Variants in WDFY4 observed in about 807,000 individuals in gnomAD.
The protein encoded by WDFY4 is WD repeat- and FYVE domain-containing protein 4.
In WDFY4, 169 loss-of-function variants were observed where a neutral mutation model predicts 351.9. The ratio of observed to expected loss-of-function variants is 0.48; its 90% CI spans 0.42 to 0.55. WDFY4 has a LOEUF of 0.55. Among genes scored for constraint, WDFY4 ranks in the 20% least tolerant of loss-of-function variants. WDFY4 has a pLI of 0.00. For missense variants in WDFY4, 3,803 were observed against 3,935.6 expected, an observed-to-expected ratio of 0.97 and a Z score of 0.90; for synonymous variants, 1,622 against 1,574.6, an observed-to-expected ratio of 1.03 and a Z score of -0.71.
rs925918502 is a variant in WDFY4, at chr10:48,778,863, T to A, written c.3397+31T>A. ...GTGCTGGGATCCAAAGCCAGTTTCA[T>A]CCACATGTGGGGGAAATGGGGCTAA... On this transcript the variant is annotated intron_variant, in intron 18 of 61. Transcript: ENST00000325239. 1.9e-6 allele frequency: 3 copies of A among 1,543,786 alleles called. No homozygotes were observed. The African/African-American group carries it at 4.1e-5, about 21-fold the overall frequency.
intron 39 of WDFY4, among the ~76,000 whole-genome samples, chr10:48,865,676 G>A (rs1191395825): frequency 6.6e-6 from 1 of 152,198 alleles, no homozygotes; most frequent in Non-Finnish European, 1.5e-5. Context: ...ATTCAGCAGT[G>A]AAGCCATCTG....
intron 1 of WDFY4, among the ~76,000 whole-genome samples, chr10:48,690,482 A>T (rs930833904): frequency 6.6e-6 from 1 of 152,180 alleles, no homozygotes; most frequent in Non-Finnish European, 1.5e-5. Context: ...GGATGCAGTC[A>T]TGTGGAGGGT....
At chr10:48,850,772 A>G (rs1408777303) in intron 39 of WDFY4, among the ~76,000 whole-genome samples, 1 of 152,198 alleles carries the variant, frequency 6.6e-6, no homozygotes, top group Non-Finnish European at 1.5e-5. Context: ...GTGTTGCCAC[A>G]CAGAGCTGAA....
At chr10:48,692,669 A>G (rs1009938922) in intron 1 of WDFY4, among the ~76,000 whole-genome samples, 5 of 152,208 alleles carry the variant, frequency 3.3e-5, no homozygotes, top group South Asian at 2.1e-4. Flanking sequence ...GGCACTGAGG[A>G]AAATGATTGA....
intron 28 of WDFY4, among the ~76,000 whole-genome samples, chr10:48,810,050 CTT>C (rs141701503): frequency 6.6e-6 from 1 of 151,530 alleles, no homozygotes; most frequent in Admixed American, 6.6e-5. Flanking sequence ...AATCATGTTT[CTT>C]TTTTTTTGGT....
chr10:48,898,963 A>G (rs1785188509), intron 45 of WDFY4, among the ~76,000 whole-genome samples: 1 of 152,128 alleles, frequency 6.6e-6, no homozygotes, highest in African/African-American at 2.4e-5. Flanking sequence ...TTATACATAC[A>G]GCACTGAGTA....
Position 48,705,645 on chromosome 10 carries a change from G to T in WDFY4, c.-17-4071G>T, listed in dbSNP as rs558524976. On this transcript the variant is annotated intron_variant, in intron 1 of 61. Coordinates refer to ENST00000325239, the MANE Select transcript of WDFY4 (RefSeq NM_001394531.1). ...CAGCTTGGCATTTGAGTCAGATGCT[G>T]CTGCCACGCAATTTCAGGGGTCCGC... Among the ~76,000 whole-genome samples the T allele has an allele frequency of 2.6e-5, 4 of 152,334 alleles. No homozygotes were observed. In the East Asian group the frequency reaches 7.7e-4, roughly 29 times the overall value.
chr10:48,822,681 C>A, intron 35 of WDFY4, 144 bp downstream of exon 35: 1 of 1,054,110 alleles, frequency 9.5e-7, no homozygotes, highest in Non-Finnish European at 1.3e-6. Context: ...CCCTTTAGTC[C>A]CAGGTAATAC....
At chr10:48,930,556 G>A (rs899814400) in intron 47 of WDFY4, among the ~76,000 whole-genome samples, 2 of 152,144 alleles carry the variant, frequency 1.3e-5, no homozygotes, top group African/African-American at 4.8e-5. Context: ...GCAAGGAAAC[G>A]GCTGGTACTC....
intron 13 of WDFY4, among the ~76,000 whole-genome samples, chr10:48,773,961 C>T (rs917142784): frequency 2.6e-5 from 4 of 152,164 alleles, no homozygotes; most frequent in Non-Finnish European, 4.4e-5. Flanking sequence ...GGATGTTGGA[C>T]CCCTGGAGGG....
intron 2 of WDFY4, among the ~76,000 whole-genome samples, chr10:48,716,986 G>A (rs750260365): frequency 1.4e-4 from 22 of 152,216 alleles, no homozygotes; most frequent in Non-Finnish European, 2.8e-4. Context: ...GTAGATGTGC[G>A]AATGCTACTT....
intron 29 of WDFY4, 33 bp downstream of exon 29, chr10:48,810,768 A>G (rs1165952035): frequency 6.7e-7 from 1 of 1,486,644 alleles, no homozygotes; most frequent in South Asian, 1.4e-5. Context: ...GGAGTGGGGC[A>G]CCACCTAGTC....
At chr10:48,930,414 C>T (rs7911009) in intron 47 of WDFY4, among the ~76,000 whole-genome samples, 17,772 of 152,216 alleles carry the variant, frequency 0.12, 1,118 homozygotes, top group South Asian at 0.2. Context: ...GATGGCACGA[C>T]GGATTGTTTG....
intron 19 of WDFY4, among the ~76,000 whole-genome samples, chr10:48,785,297 G>T (rs1005703270): frequency 6.6e-6 from 1 of 152,156 alleles, no homozygotes; most frequent in Non-Finnish European, 1.5e-5. Flanking sequence ...CTCCTAGTCT[G>T]TAGCATGTCT....
intron 58 of WDFY4, among the ~76,000 whole-genome samples, chr10:48,975,724 G>C (rs568682214): frequency 6.6e-6 from 1 of 152,262 alleles, no homozygotes; most frequent in East Asian, 1.9e-4. Flanking sequence ...ATGGGTGGAT[G>C]GATGGGTAGA....
chr10:48,819,256 G>A (rs543238883), intron 32 of WDFY4, among the ~76,000 whole-genome samples: 90 of 152,266 alleles, frequency 5.9e-4, no homozygotes, highest in Admixed American at 1.1e-3. Flanking sequence ...CTTTTTCAGC[G>A]CTCCAAGTCA....
chr10:48,690,531 G>A (rs1360834753), intron 1 of WDFY4, among the ~76,000 whole-genome samples: 1 of 152,142 alleles, frequency 6.6e-6, no homozygotes, highest in Non-Finnish European at 1.5e-5. Flanking sequence ...TGTTAGAACA[G>A]CTAAAAGGAG....
At chr10:48,975,137 C>A in intron 58 of WDFY4, 96 bp downstream of exon 58, 2 of 1,504,692 alleles carry the variant, frequency 1.3e-6, no homozygotes, top group South Asian at 1.2e-5. Context: ...AGACTCTAGC[C>A]ACCCCAGAAT....
At chr10:48,730,066 G>A (rs995778561) in intron 8 of WDFY4, among the ~76,000 whole-genome samples, 11 of 152,210 alleles carry the variant, frequency 7.2e-5, no homozygotes, top group African/African-American at 2.7e-4. Flanking sequence ...ACATGTCCTT[G>A]AACCCTAGTC....
Sources: gnomAD v4.1 joint callset for allele counts (sites outside exome capture counted in the v4.1 genomes callset) on GRCh38, gnomAD v4.1.1 for gene constraint, MANE v1.5 for transcripts, NCBI Gene and HGNC (gene_info 2026-07-23, HGNC 2026-07-21) for gene names.